Variants in COL5A2 observed in about 807,000 individuals in gnomAD.
COL5A2 encodes the protein collagen type V alpha 2 chain, also known as collagen alpha-2(V) chain.
A neutral mutation model predicts 208.2 loss-of-function variants in COL5A2; 23 were observed. That is an observed-to-expected ratio of 0.11 (90% CI 0.08 to 0.16). COL5A2 has a LOEUF of 0.16. COL5A2 is among the 10% of genes least tolerant of loss of function. The pLI, the probability that COL5A2 is intolerant of heterozygous loss-of-function variation, is 1.00. For missense variants in COL5A2, 1,590 were observed against 1,956.4 expected (o/e 0.81, Z 3.53); for synonymous variants, 625 against 628.5 (o/e 0.99, Z 0.08).
At chr2:189,150,768 A>T (rs1688126696) in intron 1 of COL5A2, among the ~76,000 whole-genome samples, 1 of 152,150 alleles carries the variant, frequency 6.6e-6, no homozygotes, top group Non-Finnish European at 1.5e-5. Flanking sequence ...ACACTAAATT[A>T]ATTTATACAG....
At chr2:189,322,276 G>A in the COL5A2 span, among the ~76,000 whole-genome samples, 1 of 152,130 alleles carries the variant, frequency 6.6e-6, no homozygotes, top group African/African-American at 2.4e-5. Flanking sequence ...AACTAGAGAA[G>A]CAAGAGCAAA....
intron 1 of COL5A2, among the ~76,000 whole-genome samples, chr2:189,201,296 G>A (rs1489982055): frequency 1.3e-5 from 2 of 151,830 alleles, no homozygotes; most frequent in Non-Finnish European, 1.5e-5. Flanking sequence ...ATTAAAAAGA[G>A]GTTTTAATAA....
At chr2:189,138,993 C>T (rs543319742) in intron 1 of COL5A2, among the ~76,000 whole-genome samples, 9 of 152,310 alleles carry the variant, frequency 5.9e-5, no homozygotes, top group Admixed American at 2.0e-4. Flanking sequence ...TAAGTCTCCA[C>T]TCCTTAAGTA....
At chr2:189,210,185 T>A (rs1308109457) in intron 1 of COL5A2, among the ~76,000 whole-genome samples, 1 of 152,150 alleles carries the variant, frequency 6.6e-6, no homozygotes, top group Non-Finnish European at 1.5e-5. Context: ...ACTATTCAAC[T>A]GTTTCTTTTT....
intron 8 of COL5A2, among the ~76,000 whole-genome samples, chr2:189,087,393 T>C (rs1386973062): frequency 6.6e-6 from 1 of 152,048 alleles, no homozygotes; most frequent in East Asian, 1.9e-4. Flanking sequence ...AGAACATTTA[T>C]TATTATATGT....
intron 1 of COL5A2, among the ~76,000 whole-genome samples, chr2:189,140,552 CAT>C (rs932345628): frequency 1.3e-5 from 2 of 151,944 alleles, no homozygotes; most frequent in African/African-American, 4.8e-5. Flanking sequence ...TGTATATGCA[CAT>C]ATATATATAG....
intron 1 of COL5A2, among the ~76,000 whole-genome samples, chr2:189,195,726 A>G (rs573395804): frequency 2.3e-4 from 35 of 152,296 alleles, no homozygotes; most frequent in Non-Finnish European, 1.8e-4. Flanking sequence ...AGGATTGCCT[A>G]TTTAATAAAT....
chr2:189,404,538 A>G, the COL5A2 span, among the ~76,000 whole-genome samples: 2 of 152,152 alleles, frequency 1.3e-5, no homozygotes, highest in African/African-American at 2.4e-5. Context: ...CAGACCTGCA[A>G]ACTGAGACTG....
At chr2:189,132,280 A>G (rs950536810) in intron 1 of COL5A2, among the ~76,000 whole-genome samples, 1 of 152,184 alleles carries the variant, frequency 6.6e-6, no homozygotes, top group Non-Finnish European at 1.5e-5. Flanking sequence ...GGTACAGACA[A>G]CTTCAGAAAA....
At chr2:189,351,269 T>C in the COL5A2 span, among the ~76,000 whole-genome samples, 4 of 152,170 alleles carry the variant, frequency 2.6e-5, no homozygotes, top group Admixed American at 1.3e-4. Context: ...AAAACAACCA[T>C]TGCATTTCTA....
intron 51 of COL5A2, among the ~76,000 whole-genome samples, chr2:189,037,045 A>T (rs1041308982): frequency 6.6e-6 from 1 of 152,192 alleles, no homozygotes; most frequent in Non-Finnish European, 1.5e-5. Context: ...ATATGAAGGA[A>T]ATATCATTAC....
chr2:189,227,575 T>C (rs1689436508), upstream of COL5A2, among the ~76,000 whole-genome samples: 1 of 152,092 alleles, frequency 6.6e-6, no homozygotes, highest in Admixed American at 6.6e-5. Context: ...GCCATACTTA[T>C]ACAGACAAAA....
chr2:189,262,299 T>G, the COL5A2 span, among the ~76,000 whole-genome samples: 1 of 152,082 alleles, frequency 6.6e-6, no homozygotes, highest in Admixed American at 6.6e-5. Context: ...TTTTTTTCTC[T>G]GAAAGCTTTT....
chr2:189,332,987 G>A, the COL5A2 span, among the ~76,000 whole-genome samples: 2 of 151,970 alleles, frequency 1.3e-5, no homozygotes, highest in African/African-American at 4.8e-5. Context: ...GAGAAATCAC[G>A]GAGAAAACTG....
At chr2:189,339,179 C>T in the COL5A2 span, among the ~76,000 whole-genome samples, 22 of 152,126 alleles carry the variant, frequency 1.4e-4, no homozygotes, top group African/African-American at 4.8e-4. Flanking sequence ...GGCGAAATCT[C>T]GTCTCTACAA....
chr2:189,423,996 T>C, the COL5A2 span, among the ~76,000 whole-genome samples: 1 of 152,072 alleles, frequency 6.6e-6, no homozygotes, highest in Non-Finnish European at 1.5e-5. Context: ...AAAAAGATCC[T>C]TCACCATGAT....
At chr2:189,295,426 G>A in the COL5A2 span, among the ~76,000 whole-genome samples, 1 of 152,230 alleles carries the variant, frequency 6.6e-6, no homozygotes, top group Non-Finnish European at 1.5e-5. Flanking sequence ...TGGCCAACAT[G>A]GCGAAACTAA....
the COL5A2 span, among the ~76,000 whole-genome samples, chr2:189,345,426 G>A: frequency 0.051 from 7,698 of 152,174 alleles, 244 homozygotes; most frequent in African/African-American, 0.081. Context: ...CCTGAAGGTG[G>A]GCTAAAATAG....
chr2:189,037,574 C>A (rs1163451581), intron 51 of COL5A2, among the ~76,000 whole-genome samples: 5 of 152,152 alleles, frequency 3.3e-5, no homozygotes, highest in Admixed American at 1.3e-4. Context: ...CTCTTTGTAG[C>A]TCATTTGTCT....
Sources: allele counts gnomAD v4.1 joint callset (sites outside exome capture counted in the v4.1 genomes callset), GRCh38; gene constraint gnomAD v4.1.1; transcripts MANE v1.5; gene names NCBI Gene and HGNC (gene_info 2026-07-23, HGNC 2026-07-21).